The following GRM8 variants were observed in gnomAD, a reference collection of about 807,000 sequenced individuals.
GRM8 encodes the protein metabotropic glutamate receptor 8.
Under a neutral mutation model 87.2 loss-of-function variants are expected in GRM8, and 47 were observed. That is an observed-to-expected ratio of 0.54 (90% confidence interval 0.43 to 0.69). The LOEUF (loss-of-function observed/expected upper bound fraction) is 0.69, where lower values mean the gene tolerates loss of function less well. Among genes scored for constraint, GRM8 ranks in the 30% least tolerant of loss-of-function variants. GRM8 has a pLI of 0.00. For synonymous variants in GRM8, 396 were observed against 404.5 expected, an observed-to-expected ratio of 0.98 and a Z score of 0.25; for missense variants, 1,019 against 1,139.2, an observed-to-expected ratio of 0.89 and a Z score of 1.52.
chr7:126,977,138 C>T (rs138007683), intron 3 of GRM8, among the ~76,000 whole-genome samples: 191 of 152,222 alleles, frequency 1.3e-3, no homozygotes, highest in African/African-American at 4.4e-3. Context: ...TTTCATGACA[C>T]TGATGTGGCT....
intron 3 of GRM8, among the ~76,000 whole-genome samples, chr7:126,927,272 A>C (rs950052273): frequency 3.9e-5 from 6 of 152,076 alleles, no homozygotes; most frequent in Non-Finnish European, 8.8e-5. Flanking sequence ...AGTAGCTAGG[A>C]CTACAGCCAT....
intron 7 of GRM8, among the ~76,000 whole-genome samples, chr7:126,709,227 T>C (rs147314111): frequency 9.2e-4 from 140 of 152,136 alleles, no homozygotes; most frequent in African/African-American, 3.2e-3. Flanking sequence ...AAAACTGCAA[T>C]GAAATATCAC....
chr7:126,588,539 C>T (rs760082341), intron 8 of GRM8, among the ~76,000 whole-genome samples: 8 of 152,198 alleles, frequency 5.3e-5, no homozygotes, highest in Non-Finnish European at 8.8e-5. Context: ...AAAGCAAAGA[C>T]GTGACATCAA....
At chr7:126,954,417 T>C (rs1808472389) in intron 3 of GRM8, among the ~76,000 whole-genome samples, 1 of 152,086 alleles carries the variant, frequency 6.6e-6, no homozygotes, top group African/African-American at 2.4e-5. Flanking sequence ...AATGTGTTCC[T>C]AGGGTTGCTA....
chr7:127,148,000 G>A (rs1483040765), intron 2 of GRM8, among the ~76,000 whole-genome samples: 1 of 151,964 alleles, frequency 6.6e-6, no homozygotes, highest in Admixed American at 6.6e-5. Flanking sequence ...GCATCATCTG[G>A]AAACTTGTTG....
intron 7 of GRM8, among the ~76,000 whole-genome samples, chr7:126,672,327 C>T (rs1374068041): frequency 5.3e-5 from 8 of 152,192 alleles, no homozygotes; most frequent in Admixed American, 5.2e-4. Flanking sequence ...TCTTCCCTCT[C>T]TTCCTCATGT....
At chr7:127,203,800 G>A (rs1262344857) in intron 2 of GRM8, among the ~76,000 whole-genome samples, 3 of 151,794 alleles carry the variant, frequency 2.0e-5, no homozygotes, top group Non-Finnish European at 4.4e-5. Context: ...GTGGGGGTGA[G>A]TTTTGAAAGG....
chr7:126,508,328 G>C (rs1232359563), intron 9 of GRM8, among the ~76,000 whole-genome samples: 1 of 151,740 alleles, frequency 6.6e-6, no homozygotes, highest in East Asian at 1.9e-4. Flanking sequence ...AGATCAAAGA[G>C]CTGTTATCTT....
chr7:126,905,179 A>G (rs1246613403), intron 3 of GRM8, among the ~76,000 whole-genome samples: 3 of 152,238 alleles, frequency 2.0e-5, no homozygotes, highest in Non-Finnish European at 2.9e-5. Flanking sequence ...ATGCATCAGC[A>G]TAGCAATGTC....
intron 6 of GRM8, among the ~76,000 whole-genome samples, chr7:126,811,625 A>G (rs1364532112): frequency 1.3e-5 from 2 of 151,986 alleles, no homozygotes; most frequent in Admixed American, 1.3e-4. Flanking sequence ...TTCTGTGGCT[A>G]TAATAAATGG....
intron 6 of GRM8, among the ~76,000 whole-genome samples, chr7:126,882,307 T>C (rs988794089): frequency 1.3e-4 from 20 of 152,318 alleles, no homozygotes; most frequent in South Asian, 6.2e-4. Context: ...TTCAGGTTTT[T>C]GCTTATTTTG....
intron 3 of GRM8, among the ~76,000 whole-genome samples, chr7:127,033,781 T>C (rs1196985373): frequency 6.6e-6 from 1 of 152,138 alleles, no homozygotes; most frequent in African/African-American, 2.4e-5. Flanking sequence ...TAGAGAACAA[T>C]CACCCTCATA....
At chr7:127,237,888 C>A (rs1332171250) in intron 2 of GRM8, among the ~76,000 whole-genome samples, 2 of 152,150 alleles carry the variant, frequency 1.3e-5, no homozygotes, top group Admixed American at 1.3e-4. Context: ...TCAATCTTTG[C>A]TCAAAGTAAG....
chr7:127,035,059 A>G (rs1042294528), intron 3 of GRM8, among the ~76,000 whole-genome samples: 7 of 152,236 alleles, frequency 4.6e-5, no homozygotes, highest in African/African-American at 1.7e-4. Context: ...AGCCTTCAAA[A>G]AGAGATTTCA....
rs115915626 is a variant in GRM8, at chr7:126,962,438, C to T, written c.728-57755G>A. Among the ~76,000 whole-genome samples, 1,434 of 152,284 alleles carry T rather than the reference C, an allele frequency of 9.4e-3. 28 individuals are homozygous for T. The highest frequency in any genetic ancestry group is 0.033 in the African/African-American group (1,362 of 41,566). ...ATTTGTTGAATACAAATTTGTTTCC[C>T]TTCAAGCTTACCAGAAAATTATTTC... On this transcript the variant is annotated intron_variant, in intron 3 of 10. Transcript: ENST00000339582.
At chr7:126,995,874 C>T (rs1813132066) in intron 3 of GRM8, among the ~76,000 whole-genome samples, 1 of 151,876 alleles carries the variant, frequency 6.6e-6, no homozygotes, top group Non-Finnish European at 1.5e-5. Flanking sequence ...GGTTATAGAA[C>T]ACCAAGCAGA....
chr7:126,670,011 C>T (rs902814750), intron 7 of GRM8, among the ~76,000 whole-genome samples: 1 of 152,102 alleles, frequency 6.6e-6, no homozygotes, highest in Non-Finnish European at 1.5e-5. Context: ...GTAAATTGAA[C>T]ATTAAAATAT....
chr7:127,106,362 C>T, intron 3 of GRM8, 134 bp downstream of exon 3: 1 of 680,730 alleles, frequency 1.5e-6, no homozygotes, highest in South Asian at 1.9e-5. Context: ...CAGCTTCCCT[C>T]TAGAGTGGAC....
chr7:126,780,878 A>G (rs905005760), intron 6 of GRM8, among the ~76,000 whole-genome samples: 9 of 152,334 alleles, frequency 5.9e-5, no homozygotes, highest in Admixed American at 5.2e-4. Context: ...GATAGGAAGG[A>G]GGAAAGAGTA....
Sources: allele counts gnomAD v4.1 joint callset (sites outside exome capture counted in the v4.1 genomes callset), GRCh38; gene constraint gnomAD v4.1.1; transcripts MANE v1.5; gene names NCBI Gene and HGNC (gene_info 2026-07-23, HGNC 2026-07-21).